Variants in SV2B observed in about 807,000 individuals in gnomAD.
SV2B encodes solute carrier family 22 member B2.
Under a neutral mutation model 73.9 loss-of-function variants are expected in SV2B, and 41 were observed. The ratio of observed to expected loss-of-function variants is 0.56; its 90% confidence interval spans 0.43 to 0.72. SV2B has a LOEUF of 0.72. Ranked by LOEUF, SV2B falls within the 30% of genes least tolerant of loss-of-function variation. The probability of loss-of-function intolerance (pLI) is 0.00; values close to 1 mark genes in which losing one functional copy is unlikely to be tolerated. For synonymous variants in SV2B, 314 were observed against 314.2 expected (o/e 1.00, Z 0.01); for missense variants, 764 against 857.8 (o/e 0.89, Z 1.37).
At chr15:91,275,848 T>G (rs2141727269) in intron 9 of SV2B, among the ~76,000 whole-genome samples, 1 of 152,244 alleles carries the variant, frequency 6.6e-6, no homozygotes, top group Admixed American at 6.5e-5. Context: ...GAAAATGTAC[T>G]TAACCATTTC....
At position 91,232,243 on chromosome 15, in the gene SV2B, A is replaced by G. The variant is rs1434132632; in HGVS notation, c.451+5529A>G. Among the ~76,000 whole-genome samples the G allele has an allele frequency of 1.3e-5, 2 of 152,164 alleles. No individual in the cohort carries two copies. Among genetic ancestry groups the G allele is most frequent in the Non-Finnish European group, 1.5e-5 (1 of 68,032 alleles). On this transcript the variant is annotated intron_variant, in intron 2 of 12. Transcript: ENST00000394232. This position sits in a 1 kb window ranked among gnomAD's most constrained non-coding sequence, Gnocchi z 4.7. ...GTGAAATCCACCACTGGGAATGTCC[A>G]TGTATTTCTTTCTGTGTTTGATTTA...
chr15:91,290,493 A>T lies in SV2B; in HGVS notation c.1868+813A>T, dbSNP rs1333357809. Among the ~76,000 whole-genome samples, 1 of 152,248 alleles carries T rather than the reference A, an allele frequency of 6.6e-6. No individual in the cohort carries two copies. The highest frequency in any genetic ancestry group is 1.5e-5 in the Non-Finnish European group (1 of 68,044). On this transcript the variant is annotated intron_variant, in intron 12 of 12. Coordinates refer to ENST00000394232, the MANE Select transcript of SV2B (RefSeq NM_001323032.3). This position sits in a 1 kb window ranked among gnomAD's most constrained non-coding sequence, Gnocchi z 4.7. The stretch of plus-strand genomic sequence containing the variant: ...TTGAATATGATGTGATTTTACATCT[A>T]GGAATCCTAAGAGAATTAACTTATG...
At chr15:91,194,896 TG>T (rs752060949) in intron 1 of SV2B, among the ~76,000 whole-genome samples, 1 of 152,106 alleles carries the variant, frequency 6.6e-6, no homozygotes, top group Non-Finnish European at 1.5e-5. Flanking sequence ...TGTGTCTATG[TG>T]GTTGTGTCTA....
chr15:91,248,865 G>A (rs1298905517), intron 2 of SV2B, among the ~76,000 whole-genome samples: 1 of 152,164 alleles, frequency 6.6e-6, no homozygotes, highest in Non-Finnish European at 1.5e-5. Flanking sequence ...AGAAAAAATA[G>A]ACTTTTATTG....
rs148309557 is a variant in SV2B at position 91,140,875 on chromosome 15, C to G, written c.-392+40512C>G. 6.6e-6 allele frequency among the ~76,000 whole-genome samples: 1 copy of G among 151,956 alleles called. No homozygotes were observed. Among genetic ancestry groups the G allele is most frequent in the Non-Finnish European group, 1.5e-5 (1 of 67,990 alleles). ...TTGCTGGGGGTTGATAAACACACAC[C>G]GAGATAGAAGACTCTCTGTTTTCTT... On this transcript the variant is annotated intron_variant, in intron 1 of 12. Coordinates refer to ENST00000394232, the MANE Select transcript of SV2B (RefSeq NM_001323032.3). The surrounding 1 kb of genome is among the most constrained non-coding windows in gnomAD (Gnocchi z 4.4).
chr15:91,174,575 A>G (rs921855015), intron 1 of SV2B, among the ~76,000 whole-genome samples: 3 of 152,176 alleles, frequency 2.0e-5, no homozygotes, highest in Non-Finnish European at 4.4e-5. Context: ...ATTAAATAAT[A>G]TTCGTCATTA....
Position 91,268,658 on chromosome 15 carries a change from T to C in SV2B, c.1373+53T>C. On this transcript the variant is annotated intron_variant, in intron 9 of 12. Transcript: ENST00000394232. This position sits in a 1 kb window ranked among gnomAD's most constrained non-coding sequence, Gnocchi z 4.4. ...ACATCAGGGTGACAGTCGTGGGGAC[T>C]GTTATTGGGAGGGAGCCGGAGGGAA... 1.3e-6 allele frequency: 2 copies of C among 1,574,926 alleles called. No individual in the cohort carries two copies. The highest frequency in any genetic ancestry group is 1.8e-5 in the Admixed American group (1 of 56,848).
At position 91,110,696 on chromosome 15, in the gene SV2B, G is replaced by T. The variant is rs2042011549; in HGVS notation, c.-392+10333G>T. Among the ~76,000 whole-genome samples the T allele has an allele frequency of 6.6e-6, 1 of 152,158 alleles. No homozygotes were observed. The highest frequency in any genetic ancestry group is 2.4e-5 in the African/African-American group (1 of 41,436). ...GTGCTGGGCCTGGGAGATGGGGCTG[G>T]AAAGGTCATGGGAATGTCGGGAGCC... is the stretch of plus-strand genomic sequence containing the variant. On this transcript the variant is annotated intron_variant, in intron 1 of 12. Transcript: ENST00000394232. The surrounding 1 kb of genome is among the most constrained non-coding windows in gnomAD (Gnocchi z 5.4).
In SV2B at chr15:91,240,864, G is replaced by GCCCCGT. The variant is rs966686806; in HGVS notation, c.452-10953_452-10948dup. 6.6e-6 allele frequency among the ~76,000 whole-genome samples: 1 copy of GCCCCGT among 152,050 alleles called. No homozygotes were observed. The highest frequency in any genetic ancestry group is 1.5e-5 in the Non-Finnish European group (1 of 68,004). ...CTGCAGCCTCAGATGAGTGCTCTTG[G>GCCCCGT]CCCCGTCACAGCCTCCACTCTTGTA... On this transcript the variant is annotated intron_variant, in intron 2 of 12. Coordinates refer to ENST00000394232, the MANE Select transcript of SV2B (RefSeq NM_001323032.3). This position sits in a 1 kb window ranked among gnomAD's most constrained non-coding sequence, Gnocchi z 4.6.
In SV2B at chr15:91,137,486, A is replaced by T. The variant is rs1033090075; in HGVS notation, c.-392+37123A>T. On this transcript the variant is annotated intron_variant, in intron 1 of 12. Transcript: ENST00000394232. This position sits in a 1 kb window ranked among gnomAD's most constrained non-coding sequence, Gnocchi z 4.9. The stretch of plus-strand genomic sequence containing the variant: ...TCAGGCATGAGGTGGAAGACAAATT[A>T]CATGTATATTTACTTTGAGACTCAG... Among the ~76,000 whole-genome samples, 1 of 151,300 alleles carries T rather than the reference A, an allele frequency of 6.6e-6. No individual in the cohort carries two copies. Among genetic ancestry groups the T allele is most frequent in the African/African-American group, 2.4e-5 (1 of 41,322 alleles).
At chr15:91,104,499 G>A (rs1251930558) in intron 1 of SV2B, among the ~76,000 whole-genome samples, 1 of 152,208 alleles carries the variant, frequency 6.6e-6, no homozygotes, top group Non-Finnish European at 1.5e-5. Flanking sequence ...AGAGTGGAAA[G>A]TTAGGAAAAC....
At chr15:91,114,534 C>T (rs779889822) in intron 1 of SV2B, among the ~76,000 whole-genome samples, 3 of 152,152 alleles carry the variant, frequency 2.0e-5, no homozygotes, top group Non-Finnish European at 2.9e-5. Flanking sequence ...GTGTTGCTGG[C>T]GCCCAGGGAC....
At chr15:91,263,760 T>C (rs1218421826) in intron 6 of SV2B, among the ~76,000 whole-genome samples, 2 of 152,130 alleles carry the variant, frequency 1.3e-5, no homozygotes, top group Non-Finnish European at 2.9e-5. Context: ...TGAATGGACT[T>C]CCCGAACATT....
At chr15:91,103,823 A>G (rs966079127) in intron 1 of SV2B, among the ~76,000 whole-genome samples, 2 of 152,086 alleles carry the variant, frequency 1.3e-5, no homozygotes, top group African/African-American at 4.8e-5. Flanking sequence ...ACTTCTGTGA[A>G]TTTCCCCCAT....
At chr15:91,221,039 A>G (rs1379557265) in intron 1 of SV2B, among the ~76,000 whole-genome samples, 1 of 151,368 alleles carries the variant, frequency 6.6e-6, no homozygotes. Flanking sequence ...GACTTTTTGT[A>G]TTTTTTTGTA....
rs930283118 is a variant in SV2B, at chr15:91,292,696, A to T, written c.*144A>T. 1 of 987,342 alleles carries T rather than the reference A, an allele frequency of 1.0e-6. No individual in the cohort carries two copies. The allele number at this position is 987,342 out of a possible 1,614,324, so 61.2% of individuals were successfully genotyped here. ...CTTTGTGACCCCTAGTTTAGGACCC[A>T]CTTCAGCTGTCAATATGTTTGTAAC... On this transcript the variant is annotated 3_prime_UTR_variant, in exon 13 of 13. Coordinates refer to ENST00000394232, the MANE Select transcript of SV2B (RefSeq NM_001323032.3).
Position 91,288,917 on chromosome 15 carries a change from A to T in SV2B, c.1709-604A>T, listed in dbSNP as rs1655252452. ...GGTCTCGAACTCCTGACCTCAAGTG[A>T]TCCACCCACCTTGGCCTCCCAAAGT... On this transcript the variant is annotated intron_variant, in intron 11 of 12. Coordinates refer to ENST00000394232, the MANE Select transcript of SV2B (RefSeq NM_001323032.3). This position sits in a 1 kb window ranked among gnomAD's most constrained non-coding sequence, Gnocchi z 5.8. Among the ~76,000 whole-genome samples, 1 of 152,076 alleles carries T rather than the reference A, an allele frequency of 6.6e-6. No individual in the cohort carries two copies. Among genetic ancestry groups the T allele is most frequent in the Admixed American group, 6.5e-5 (1 of 15,272 alleles).
chr15:91,148,800 C>T (rs944636155), intron 1 of SV2B, among the ~76,000 whole-genome samples: 1 of 152,152 alleles, frequency 6.6e-6, no homozygotes, highest in Non-Finnish European at 1.5e-5. Context: ...ACTGATGTCC[C>T]AGCTCAAAGA....
chr15:91,287,618 T>G (rs537445822), intron 11 of SV2B, among the ~76,000 whole-genome samples: 1 of 152,278 alleles, frequency 6.6e-6, no homozygotes, highest in African/African-American at 2.4e-5. Flanking sequence ...CATTTTCTGT[T>G]CACTCCCATC....
Sources: allele counts gnomAD v4.1 joint callset (sites outside exome capture counted in the v4.1 genomes callset), GRCh38; gene constraint gnomAD v4.1.1; non-coding constraint Gnocchi (gnomAD v3.1); transcripts MANE v1.5; gene names NCBI Gene and HGNC (gene_info 2026-07-23, HGNC 2026-07-21).